VPS8: variants seen among roughly 807,000 people sequenced by gnomAD.
VPS8 encodes vacuolar protein sorting-associated protein 8 homolog.
Under a neutral mutation model 216.4 loss-of-function variants are expected in VPS8, and 129 were observed. That is an observed-to-expected ratio of 0.60 (90% CI 0.52 to 0.69). VPS8 has a LOEUF of 0.69. Ranked by LOEUF, VPS8 falls within the 30% of genes least tolerant of loss-of-function variation. The pLI is 0.00. For missense variants in VPS8, 1,531 were observed against 1,683.5 expected, an observed-to-expected ratio of 0.91 and a Z score of 1.59; for synonymous variants, 571 against 565.4, an observed-to-expected ratio of 1.01 and a Z score of -0.14.
At chr3:184,945,964 A>G (rs1208302825) in intron 36 of VPS8, among the ~76,000 whole-genome samples, 1 of 152,172 alleles carries the variant, frequency 6.6e-6, no homozygotes, top group Non-Finnish European at 1.5e-5. Flanking sequence ...GGGCCACAGG[A>G]CCACTTTAGT....
At chr3:184,838,797 T>C in intron 6 of VPS8, 51 bp downstream of exon 6, 2 of 1,404,868 alleles carry the variant, frequency 1.4e-6, no homozygotes, top group South Asian at 1.3e-5. Flanking sequence ...GATTGGGTTT[T>C]CTTAGATTTA....
intron 31 of VPS8, among the ~76,000 whole-genome samples, chr3:184,928,041 A>C (rs1739994079): frequency 6.6e-6 from 1 of 152,192 alleles, no homozygotes; most frequent in South Asian, 2.1e-4. Flanking sequence ...CCAATACTTA[A>C]TTTTTAAAAA....
chr3:185,001,516 C>T (rs1031523171), intron 45 of VPS8, among the ~76,000 whole-genome samples: 1 of 152,170 alleles, frequency 6.6e-6, no homozygotes, highest in Admixed American at 6.5e-5. Flanking sequence ...GATTCCATGC[C>T]CTTTCTGGGC....
chr3:185,013,226 A>G (rs148015619), intron 45 of VPS8, among the ~76,000 whole-genome samples: 224 of 152,216 alleles, frequency 1.5e-3, no homozygotes, highest in African/African-American at 5.1e-3. Context: ...TGCTGCAGAG[A>G]TTTCGTTTAT....
intron 4 of VPS8, among the ~76,000 whole-genome samples, chr3:184,833,538 A>T (rs955453459): frequency 2.0e-5 from 3 of 152,100 alleles, no homozygotes; most frequent in African/African-American, 7.2e-5. Flanking sequence ...AATGTTTTTG[A>T]TGATCTGGTC....
intron 45 of VPS8, among the ~76,000 whole-genome samples, chr3:185,022,056 G>C (rs1447074845): frequency 6.6e-6 from 1 of 152,148 alleles, no homozygotes; most frequent in African/African-American, 2.4e-5. Context: ...AAAGGGACCT[G>C]GTGGGAGGTA....
intron 44 of VPS8, among the ~76,000 whole-genome samples, chr3:184,998,169 T>C (rs1358923149): frequency 6.6e-6 from 1 of 152,102 alleles, no homozygotes; most frequent in African/African-American, 2.4e-5. Context: ...AGTGAGACTT[T>C]TACTCTGAGA....
At chr3:184,898,445 A>T in intron 23 of VPS8, 120 bp from the exon 24 acceptor site, 1 of 783,576 alleles carries the variant, frequency 1.3e-6, no homozygotes, top group South Asian at 1.7e-5. Flanking sequence ...TTCAGTTTTT[A>T]TCAGAGAAGA....
chr3:184,898,292 G>T (rs1303035065), intron 23 of VPS8, among the ~76,000 whole-genome samples: 1 of 152,114 alleles, frequency 6.6e-6, no homozygotes, highest in African/African-American at 2.4e-5. Context: ...TTGATCAAAG[G>T]TAAAATGAAT....
intron 21 of VPS8, among the ~76,000 whole-genome samples, chr3:184,876,631 T>C (rs1165289703): frequency 6.6e-6 from 1 of 152,204 alleles, no homozygotes; most frequent in African/African-American, 2.4e-5. Flanking sequence ...CACAAAGCCT[T>C]TTCTGAGGAT....
chr3:184,926,633 C>A lies in VPS8; in HGVS notation c.2614C>A (p.His872Asn). 3 of 1,605,862 alleles carry A rather than the reference C, an allele frequency of 1.9e-6. No homozygotes were observed. In the South Asian group the frequency reaches 3.4e-5, roughly 18 times the overall value. The change falls in exon 31 of 48, where the codon CAC (histidine) becomes AAC (asparagine). Residue 872 changes from histidine to asparagine, a missense_variant. Coordinates refer to ENST00000625842, the MANE Select transcript of VPS8 (RefSeq NM_001009921.3). The stretch of plus-strand genomic sequence containing the variant: ...TTGTAGTCCTGACGATGACTCCCGA[C>A]ACTCTGAAAGACAGCAGGTATGAAC... ...FLCSPDDDSR[H>N]SERQQVLLEL...
At chr3:185,014,694 T>TC (rs1012825991) in intron 45 of VPS8, among the ~76,000 whole-genome samples, 3 of 152,128 alleles carry the variant, frequency 2.0e-5, no homozygotes, top group African/African-American at 7.2e-5. Flanking sequence ...TCCCTGTTTC[T>TC]CCCCCCTTTT....
rs538253882 is a variant in VPS8, at chr3:184,903,456, T to C, written c.2146+2484T>C. 8.5e-5 allele frequency among the ~76,000 whole-genome samples: 13 copies of C among 152,314 alleles called. 1 individual carries two copies. In the East Asian group the frequency reaches 2.5e-3, roughly 29 times the overall value. ...TTTTCTATTTTTATCTTTTTAAAAA[T>C]TAATTTTATTTTAGAGACGGAGTCT... On this transcript the variant is annotated intron_variant, in intron 25 of 47. Transcript: ENST00000625842.
rs1560658584 is a variant in VPS8, at chr3:184,915,446, CAA to C, written c.2355_2356del (p.Glu787IlefsTer10). 3 of 1,613,790 alleles carry C rather than the reference CAA, an allele frequency of 1.9e-6. No homozygotes were observed. The highest frequency in any genetic ancestry group is 2.5e-6 in the Non-Finnish European group (3 of 1,179,786). On this transcript the variant is annotated frameshift_variant, in exon 28 of 48. Coordinates refer to ENST00000625842, the MANE Select transcript of VPS8 (RefSeq NM_001009921.3). LOFTEE classifies it high-confidence loss of function. ...ATTCGGACTTTGCTACATTTTGACA[CAA>C]GAGAATTTCTAAATGTATTGGCACT...
intron 36 of VPS8, among the ~76,000 whole-genome samples, chr3:184,947,390 A>G (rs1469133417): frequency 6.6e-6 from 1 of 152,118 alleles, no homozygotes; most frequent in Non-Finnish European, 1.5e-5. Context: ...TTGACATAAG[A>G]GTTTGGCAGA....
Position 184,920,169 on chromosome 3 carries a change from C to T in VPS8, c.2425C>T (p.Gln809Ter). The change falls in exon 29 of 48, where the codon CAA becomes TAA. Residue 809 changes from glutamine to a stop codon, truncating the protein, a stop_gained. Transcript: ENST00000625842. LOFTEE classifies it high-confidence loss of function. ...AAATGACAAGCAAGCTGTGGAATATCAACAGCGAATTGTGGATATTTTGTT... is the reference window on the plus strand; with the variant it reads ...AAATGACAAGCAAGCTGTGGAATATTAACAGCGAATTGTGGATATTTTGTT... ...FKNDKQAVEYQQRIVDILLKV... is the reference protein window; with the variant it reads ...FKNDKQAVEY 8 of 1,524,746 alleles carry T rather than the reference C, an allele frequency of 5.2e-6. No individual in the cohort carries two copies. Among genetic ancestry groups the T allele is most frequent in the Non-Finnish European group, 7.0e-6 (8 of 1,137,184 alleles). 94.5% of individuals were successfully genotyped at this position (1,524,746 alleles called of 1,614,324 possible).
intron 45 of VPS8, among the ~76,000 whole-genome samples, chr3:185,000,634 A>G (rs1334903084): frequency 2.2e-5 from 3 of 139,154 alleles, no homozygotes; most frequent in African/African-American, 8.1e-5. Flanking sequence ...TTTGAGATGC[A>G]GTCTCGCTCT....
chr3:184,913,501 C>G lies in VPS8; in HGVS notation c.2147-18C>G, dbSNP rs370245047. On this transcript the variant is annotated intron_variant, in intron 25 of 47. Coordinates refer to ENST00000625842, the MANE Select transcript of VPS8 (RefSeq NM_001009921.3). ...TTTTGAGAGAAAATTGCTGAAGATACTTCTCTTTCTATTTTAGATGAACAA... is the reference window on the plus strand; with the variant it reads ...TTTTGAGAGAAAATTGCTGAAGATAGTTCTCTTTCTATTTTAGATGAACAA... 1.3e-5 allele frequency: 20 copies of G among 1,570,948 alleles called. No individual in the cohort carries two copies. Among genetic ancestry groups the G allele is most frequent in the Non-Finnish European group, 1.7e-5 (20 of 1,160,510 alleles).
At chr3:184,934,696 A>C (rs1202226289) in intron 34 of VPS8, among the ~76,000 whole-genome samples, 2 of 152,146 alleles carry the variant, frequency 1.3e-5, no homozygotes, top group South Asian at 4.1e-4. Context: ...GTATTAAACC[A>C]ACCTTGATTT....
Sources: allele counts gnomAD v4.1 joint callset (sites outside exome capture counted in the v4.1 genomes callset), GRCh38; gene constraint gnomAD v4.1.1; transcripts MANE v1.5; gene names NCBI Gene and HGNC (gene_info 2026-07-23, HGNC 2026-07-21).